The following ADPRS variants were observed in gnomAD, a reference collection of about 807,000 sequenced individuals.
ADPRS encodes ADP-ribosylserine hydrolase.
Under a neutral mutation model 32.1 loss-of-function variants are expected in ADPRS, and 25 were observed. The ratio of observed to expected loss-of-function variants is 0.78; its 90% CI spans 0.57 to 1.09. The LOEUF is 1.09. Ranked by LOEUF, ADPRS falls within the 50% of genes least tolerant of loss-of-function variation. ADPRS has a pLI of 0.00. For synonymous variants in ADPRS, 225 were observed against 201.0 expected (o/e 1.12, Z -1.01); for missense variants, 482 against 480.6 (o/e 1.00, Z -0.03).
chr1:36,091,346 G>A lies in ADPRS; in HGVS notation c.308+6G>A. On this transcript the variant is annotated splice_donor_region_variant and intron_variant, in intron 2 of 5. Coordinates refer to ENST00000373178, the MANE Select transcript of ADPRS (RefSeq NM_017825.3). ...GAGGTGGACATGGCTCACAGGTGAG[G>A]GGGATGGTCCTGGGCTGAGGCAAAC... 6.2e-7 allele frequency: 1 copy of A among 1,613,912 alleles called. No individual in the cohort carries two copies. The highest frequency in any genetic ancestry group is 8.5e-7 in the Non-Finnish European group (1 of 1,179,870).
chr1:36,092,602 T>C (rs1643500312), intron 5 of ADPRS, 80 bp downstream of exon 5: 4 of 1,346,802 alleles, frequency 3.0e-6, no homozygotes, highest in Non-Finnish European at 4.2e-6. Context: ...CATGGAGTCA[T>C]GCCTGCCGTC....
In ADPRS at chr1:36,089,073, A is replaced by G; in HGVS notation, c.169A>G (p.Ser57Gly). ...GACGTCAGTCCTGCGTCATGTCCAG[A>G]GTCTGGAGCCGGACCCCGGCACGCC... ...DLTSVLRHVQSLEPDPGTPGS... is the reference protein window; with the variant it reads ...DLTSVLRHVQGLEPDPGTPGS... Residue 57 changes from serine to glycine, a missense_variant, in exon 1 of 6, where the codon AGT becomes GGT. Physicochemically the swap from Ser to Gly is moderately conservative, Grantham distance 56. Coordinates refer to ENST00000373178, the MANE Select transcript of ADPRS (RefSeq NM_017825.3). 1 of 1,442,540 alleles carries G rather than the reference A, an allele frequency of 6.9e-7. No individual in the cohort carries two copies. Among genetic ancestry groups the G allele is most frequent in the Non-Finnish European group, 9.1e-7 (1 of 1,100,396 alleles). The allele number at this position is 1,442,540 out of a possible 1,614,324, so 89.4% of individuals were successfully genotyped here.
At chr1:36,090,519 A>C (rs1643463893) in intron 1 of ADPRS, among the ~76,000 whole-genome samples, 1 of 151,964 alleles carries the variant, frequency 6.6e-6, no homozygotes, top group Non-Finnish European at 1.5e-5. Context: ...AGTGAATGGG[A>C]GTGAGAAACT....
At chr1:36,091,565 A>G in intron 2 of ADPRS, 53 bp from the exon 3 acceptor site, 6 of 1,501,960 alleles carry the variant, frequency 4.0e-6, no homozygotes, top group South Asian at 3.8e-5. Context: ...TTCTCTCCCA[A>G]CCCTTAGAGG....
chr1:36,088,921 T>G lies in ADPRS; in HGVS notation c.17T>G (p.Met6Arg). The G allele has an allele frequency of 6.6e-7, 1 of 1,526,246 alleles. No homozygotes were observed. Among genetic ancestry groups the G allele is most frequent in the Non-Finnish European group, 8.8e-7 (1 of 1,141,668 alleles). The allele number at this position is 1,526,246 out of a possible 1,614,324, so 94.5% of individuals were successfully genotyped here. The part of the protein sequence containing the change: MAAAA[M>R]AAAAGGGAGA... Reference sequence around the variant, plus strand: ...TGCGCGCGGATGGCCGCAGCGGCGATGGCGGCAGCGGCAGGTGGAGGGGCT... The same window carrying G: ...TGCGCGCGGATGGCCGCAGCGGCGAGGGCGGCAGCGGCAGGTGGAGGGGCT... The change falls in exon 1 of 6, where the codon ATG (methionine) becomes AGG (arginine). Residue 6 changes from methionine (M) to arginine (R), a missense_variant. Met to Arg is a moderately conservative substitution (Grantham distance 91). Coordinates refer to ENST00000373178, the MANE Select transcript of ADPRS (RefSeq NM_017825.3).
In ADPRS at chr1:36,091,649, A is replaced by G; in HGVS notation, c.340A>G (p.Arg114Gly). ...TCAGGAGTACAAGAAAGACCCTGAC[A>G]GGGGCTATGGTGCTGGAGTAGTCAC... ...FAQEYKKDPD[R>G]GYGAGVVTVF... Residue 114 changes from arginine to glycine, a missense_variant, in exon 3 of 6, where the codon AGG (arginine) becomes GGG (glycine). Coordinates refer to ENST00000373178, the MANE Select transcript of ADPRS (RefSeq NM_017825.3). 2 of 1,609,242 alleles carry G rather than the reference A, an allele frequency of 1.2e-6. No individual in the cohort carries two copies. Among genetic ancestry groups the G allele is most frequent in the South Asian group, 2.2e-5 (2 of 90,686 alleles).
intron 1 of ADPRS, 53 bp from the exon 2 acceptor site, chr1:36,091,191 C>CA (rs899900878): frequency 1.4e-4 from 208 of 1,518,666 alleles, no homozygotes; most frequent in African/African-American, 2.6e-4. Context: ...AAAACAACAA[C>CA]AAAAAAAACA....
intron 3 of ADPRS, 37 bp downstream of exon 3, chr1:36,091,862 C>T: frequency 6.3e-7 from 1 of 1,586,754 alleles, no homozygotes; most frequent in East Asian, 2.3e-5. Flanking sequence ...CTGTCCCCTT[C>T]CTCTTCTGCA....
At chr1:36,091,218 T>G (rs766606089) in intron 1 of ADPRS, 26 bp from the exon 2 acceptor site, 7 of 1,585,984 alleles carry the variant, frequency 4.4e-6, no homozygotes, top group Non-Finnish European at 6.1e-6. Flanking sequence ...AGCAGGAGGC[T>G]CTCATCCTCC....
At chr1:36,089,190 G>A (rs372297585) in intron 1 of ADPRS, 75 bp downstream of exon 1, 2 of 1,356,494 alleles carry the variant, frequency 1.5e-6, no homozygotes, top group Non-Finnish European at 1.9e-6. Context: ...CGGGGGCGAC[G>A]GGTCGGGGGT....
At chr1:36,092,168 G>C (rs1051627125) in intron 4 of ADPRS, 74 bp downstream of exon 4, 58 of 1,518,256 alleles carry the variant, frequency 3.8e-5, no homozygotes, top group Non-Finnish European at 5.0e-5. Flanking sequence ...GCCGCAAACT[G>C]TAAACCTTCC....
rs778017668 is a variant in ADPRS at position 36,093,158 on chromosome 1, G to A, written c.864G>A (p.Met288Ile). The A allele has an allele frequency of 6.2e-7, 1 of 1,614,206 alleles. No individual in the cohort carries two copies. The highest frequency in any genetic ancestry group is 8.5e-7 in the Non-Finnish European group (1 of 1,180,050). ...CCATCTACTGCTTCCTACGCTGCAT[G>A]GAGCCAGACCCTGAGATCCCTTCTG... ...PTAIYCFLRC[M>I]EPDPEIPSAF... Residue 288 changes from methionine (M) to isoleucine (I), a missense_variant, in exon 6 of 6, where the codon ATG becomes ATA. By Grantham distance (10) the Met-to-Ile change is conservative (BLOSUM62 1). Coordinates refer to ENST00000373178, the MANE Select transcript of ADPRS (RefSeq NM_017825.3).
In ADPRS at chr1:36,089,002, G is replaced by C; in HGVS notation, c.98G>C (p.Gly33Ala). Residue 33 changes from glycine (G) to alanine (A), a missense_variant, in exon 1 of 6, where the codon GGG becomes GCG. By Grantham distance (60) the Gly-to-Ala change is moderately conservative. Transcript: ENST00000373178. ...FRGCLAGALL[G>A]DCVGSFYEAH... ...GGCTGCCTGGCTGGCGCGCTGCTCG[G>C]GGACTGCGTGGGCTCCTTCTACGAG... 6.7e-7 allele frequency: 1 copy of C among 1,481,766 alleles called. No individual in the cohort carries two copies. Among genetic ancestry groups the C allele is most frequent in the Non-Finnish European group, 8.9e-7 (1 of 1,120,278 alleles). The allele number at this position is 1,481,766 out of a possible 1,614,324, so 91.8% of individuals were successfully genotyped here. A position where few individuals can be genotyped will look rare whatever the true frequency, so the allele number is the denominator to read the frequency against.
chr1:36,091,160 C>G lies in ADPRS; in HGVS notation c.212-84C>G, dbSNP rs117735541. ...CTCCAGTCTGGGCAACAGAGCGAGA[C>G]TCTGTCTCCAAAAAAAGCAAAAAAC... On this transcript the variant is annotated intron_variant, in intron 1 of 5. Coordinates refer to ENST00000373178, the MANE Select transcript of ADPRS (RefSeq NM_017825.3). 4.7e-5 allele frequency: 53 copies of G among 1,117,864 alleles called. No homozygotes were observed. In the East Asian group the frequency reaches 1.1e-3, roughly 23 times the overall value. The allele number at this position is 1,117,864 out of a possible 1,614,324, so 69.2% of individuals were successfully genotyped here.
At chr1:36,089,176 C>T in intron 1 of ADPRS, 61 bp downstream of exon 1, 2 of 1,369,838 alleles carry the variant, frequency 1.5e-6, no homozygotes, top group Non-Finnish European at 1.9e-6. Flanking sequence ...GGGCGCGGAG[C>T]CTCCGGGGGC....
At chr1:36,091,026 G>A (rs1373340301) in intron 1 of ADPRS, among the ~76,000 whole-genome samples, 1 of 151,946 alleles carries the variant, frequency 6.6e-6, no homozygotes, top group Non-Finnish European at 1.5e-5. Flanking sequence ...AAAAGTAGCT[G>A]GGTGTGATGA....
chr1:36,091,125 C>A, intron 1 of ADPRS, 119 bp from the exon 2 acceptor site: 1 of 730,230 alleles, frequency 1.4e-6, no homozygotes. Flanking sequence ...GCCATGATTG[C>A]ACCAGTGCAC....
intron 5 of ADPRS, 50 bp downstream of exon 5, chr1:36,092,572 C>T (rs372899778): frequency 5.7e-6 from 9 of 1,568,496 alleles, no homozygotes; most frequent in Middle Eastern, 1.7e-4. Flanking sequence ...CCTTCAGGGT[C>T]GGTCTTGGGC....
Position 36,093,387 on chromosome 1 carries a change from T to G in ADPRS, c.*1T>G, listed in dbSNP as rs1390530377. The G allele has an allele frequency of 4.3e-6, 7 of 1,611,812 alleles. No homozygotes were observed. Among genetic ancestry groups the G allele is most frequent in the Non-Finnish European group, 5.9e-6 (7 of 1,178,318 alleles). On this transcript the variant is annotated 3_prime_UTR_variant, in exon 6 of 6. Transcript: ENST00000373178. ...GCACCGTGTCTTCCAGAAGAGTTGA[T>G]GAGGGCTACAGCTGTTGGGGCTCTG...
Sources: allele counts gnomAD v4.1 joint callset (sites outside exome capture counted in the v4.1 genomes callset), GRCh38; gene constraint gnomAD v4.1.1; transcripts MANE v1.5; gene names NCBI Gene and HGNC (gene_info 2026-07-23, HGNC 2026-07-21).